RIC1: variants seen among roughly 807,000 people sequenced by gnomAD.
RIC1 encodes the protein RIC1 partner of RAB6A GEF complex, also known as guanine nucleotide exchange factor subunit RIC1.
In RIC1, 88 loss-of-function variants were observed where a neutral mutation model predicts 169.0. The ratio of observed to expected loss-of-function variants is 0.52; its 90% CI spans 0.44 to 0.62. RIC1 has a LOEUF of 0.62. Ranked by LOEUF, RIC1 falls within the 20% of genes least tolerant of loss-of-function variation. The probability of loss-of-function intolerance (pLI) is 0.00; values close to 1 mark genes in which losing one functional copy is unlikely to be tolerated. For missense variants in RIC1, 1,877 were observed against 1,725.5 expected, an observed-to-expected ratio of 1.09 and a Z score of -1.56; for synonymous variants, 790 against 601.5, an observed-to-expected ratio of 1.31 and a Z score of -4.59.
intron 1 of RIC1, among the ~76,000 whole-genome samples, chr9:5,646,167 T>C (rs541127505): frequency 5.0e-4 from 76 of 152,184 alleles, no homozygotes; most frequent in Non-Finnish European, 9.3e-4. Flanking sequence ...ATTTTCCTAA[T>C]GGTTATTAAT....
At chr9:5,701,530 A>AT (rs1371397533) in intron 3 of RIC1, among the ~76,000 whole-genome samples, 1 of 151,708 alleles carries the variant, frequency 6.6e-6, no homozygotes, top group Admixed American at 6.6e-5. Flanking sequence ...GGAGGTGGAC[A>AT]TTGCAGTTTG....
At chr9:5,681,323 A>G (rs988049309) in intron 2 of RIC1, among the ~76,000 whole-genome samples, 1 of 150,882 alleles carries the variant, frequency 6.6e-6, no homozygotes, top group Non-Finnish European at 1.5e-5. Context: ...CCCTCTACGC[A>G]CTGCTTTGAA....
At chr9:5,631,679 C>T (rs1316802823) in intron 1 of RIC1, among the ~76,000 whole-genome samples, 3 of 134,082 alleles carry the variant, frequency 2.2e-5, no homozygotes, top group African/African-American at 9.1e-5. Context: ...GAGCAAGACT[C>T]TGTCTCAAAA....
At chr9:5,702,808 A>G (rs982645006) in intron 3 of RIC1, among the ~76,000 whole-genome samples, 9 of 152,116 alleles carry the variant, frequency 5.9e-5, no homozygotes, top group African/African-American at 1.9e-4. Flanking sequence ...TGGCCTCCCA[A>G]AGTGCTAGGA....
chr9:5,670,529 C>G (rs556113270), intron 2 of RIC1, among the ~76,000 whole-genome samples: 1 of 152,154 alleles, frequency 6.6e-6, no homozygotes, highest in Non-Finnish European at 1.5e-5. Flanking sequence ...TTGTATATTA[C>G]TGTGCAGTAG....
At chr9:5,656,449 A>G (rs1037761122) in intron 1 of RIC1, 134 bp from the exon 2 acceptor site, 1 of 488,724 alleles carries the variant, frequency 2.0e-6, no homozygotes, top group Non-Finnish European at 3.6e-6. Context: ...TTGAAAGCCG[A>G]TAGTTTAATA....
At chr9:5,725,026 G>T (rs531689548) in intron 6 of RIC1, among the ~76,000 whole-genome samples, 3 of 151,904 alleles carry the variant, frequency 2.0e-5, no homozygotes, top group Non-Finnish European at 4.4e-5. Context: ...CTCTTTTTTT[G>T]TTGTGTCTCT....
intron 1 of RIC1, among the ~76,000 whole-genome samples, chr9:5,633,939 C>G (rs1260173079): frequency 6.6e-6 from 1 of 152,156 alleles, no homozygotes; most frequent in Non-Finnish European, 1.5e-5. Context: ...GTTCTATTCT[C>G]TGTTCCTATG....
chr9:5,746,931 C>T (rs940318957), intron 11 of RIC1, among the ~76,000 whole-genome samples: 3 of 152,158 alleles, frequency 2.0e-5, no homozygotes, highest in Non-Finnish European at 4.4e-5. Flanking sequence ...CCCTCCCCTT[C>T]CCCATCCCAA....
At chr9:5,687,914 G>T (rs1023079872) in intron 2 of RIC1, among the ~76,000 whole-genome samples, 5 of 151,534 alleles carry the variant, frequency 3.3e-5, no homozygotes, top group South Asian at 2.1e-4. Context: ...TTTATTTTGG[G>T]TTTTTTTGTG....
chr9:5,746,138 C>G, intron 11 of RIC1, 55 bp downstream of exon 11: 1 of 1,431,670 alleles, frequency 7.0e-7, no homozygotes. Context: ...GAAGCTCAGA[C>G]CCTTCTTTAT....
intron 14 of RIC1, 85 bp from the exon 15 acceptor site, chr9:5,754,752 TTGTC>T (rs1825905518): frequency 5.3e-6 from 4 of 761,410 alleles, no homozygotes; most frequent in East Asian, 2.9e-5. Context: ...AATTTGAGCT[TTGTC>T]TGGGTAAGAA....
intron 3 of RIC1, among the ~76,000 whole-genome samples, chr9:5,692,053 G>T (rs970256214): frequency 6.6e-6 from 1 of 152,074 alleles, no homozygotes; most frequent in Non-Finnish European, 1.5e-5. Flanking sequence ...GACTCTATGT[G>T]TTAAGGCAGA....
At position 5,716,632 on chromosome 9, in the gene RIC1, C is replaced by T. The variant is rs557836600; in HGVS notation, c.440+2629C>T. 2.6e-5 allele frequency among the ~76,000 whole-genome samples: 4 copies of T among 152,200 alleles called. No homozygotes were observed. In the East Asian group the frequency reaches 7.7e-4, roughly 29 times the overall value. Reference sequence around the variant, plus strand: ...TCAAAAGAAACAAAAATTTAAGAACCAATACAGCATGAAAAGACATGGGTT... The same window carrying T: ...TCAAAAGAAACAAAAATTTAAGAACTAATACAGCATGAAAAGACATGGGTT... On this transcript the variant is annotated intron_variant, in intron 4 of 25. Transcript: ENST00000414202.
At chr9:5,725,250 A>C (rs971190373) in intron 6 of RIC1, among the ~76,000 whole-genome samples, 1 of 152,140 alleles carries the variant, frequency 6.6e-6, no homozygotes, top group African/African-American at 2.4e-5. Context: ...TTATTGGTCT[A>C]TTCAGGGATT....
chr9:5,737,008 G>A (rs1281386271), intron 7 of RIC1, among the ~76,000 whole-genome samples: 1 of 151,038 alleles, frequency 6.6e-6, no homozygotes, highest in African/African-American at 2.4e-5. Flanking sequence ...CAATCTGGTA[G>A]TCATAAACCA....
chr9:5,774,170 G>A lies in RIC1; in HGVS notation c.4196G>A (p.Arg1399Gln), dbSNP rs746594252. 41 of 1,613,900 alleles carry A rather than the reference G, an allele frequency of 2.5e-5. No homozygotes were observed. Among genetic ancestry groups the A allele is most frequent in the Middle Eastern group, 3.3e-4 (2 of 6,082 alleles). The change falls in exon 26 of 26, where the codon CGG becomes CAG. Residue 1399 changes from arginine (R) to glutamine (Q), a missense_variant. Physicochemically the swap from Arg to Gln is conservative, Grantham distance 43. Coordinates refer to ENST00000414202, the MANE Select transcript of RIC1 (RefSeq NM_020829.4). ...GTTGGAAGCAGCAATATGGTCAGCC[G>A]GAAAGAGGAGGACACAGCCCAAGCA... is the stretch of plus-strand genomic sequence containing the variant. ...GEVGSSNMVS[R>Q]KEEDTAQAEE... is the part of the protein sequence containing the mutation.
intron 3 of RIC1, among the ~76,000 whole-genome samples, chr9:5,692,126 T>A (rs974773023): frequency 1.3e-5 from 2 of 152,090 alleles, no homozygotes; most frequent in African/African-American, 4.8e-5. Flanking sequence ...ATTGAAAGTT[T>A]TAGGTTTCAG....
At chr9:5,745,506 G>A (rs1012648281) in intron 10 of RIC1, among the ~76,000 whole-genome samples, 1 of 152,148 alleles carries the variant, frequency 6.6e-6, no homozygotes, top group African/African-American at 2.4e-5. Flanking sequence ...CCAATCCAAT[G>A]TTTTTTGCTC....
Sources: allele counts gnomAD v4.1 joint callset (sites outside exome capture counted in the v4.1 genomes callset), GRCh38; gene constraint gnomAD v4.1.1; transcripts MANE v1.5; gene names NCBI Gene and HGNC (gene_info 2026-07-23, HGNC 2026-07-21).